PDZRN4: variants seen among roughly 807,000 people sequenced by gnomAD.
PDZRN4 encodes PDZ domain containing ring finger 4.
A neutral mutation model predicts 99.0 loss-of-function variants in PDZRN4; 70 were observed. The observed-to-expected ratio is 0.71, with a 90% CI of 0.58 to 0.86. PDZRN4 has a LOEUF of 0.86. Ranked by LOEUF, PDZRN4 falls within the 40% of genes least tolerant of loss-of-function variation. The pLI is 0.00. For missense variants in PDZRN4, 1,474 were observed against 1,331.2 expected (o/e 1.11, Z -1.67); for synonymous variants, 551 against 501.6 (o/e 1.10, Z -1.32).
chr12:41,424,218 C>G (rs540435398), intron 3 of PDZRN4, among the ~76,000 whole-genome samples: 1 of 152,146 alleles, frequency 6.6e-6, no homozygotes, highest in African/African-American at 2.4e-5. Flanking sequence ...AGTTAAAATG[C>G]AAACTTCCTC....
intron 3 of PDZRN4, among the ~76,000 whole-genome samples, chr12:41,423,387 C>T (rs962495208): frequency 1.3e-5 from 2 of 152,030 alleles, no homozygotes; most frequent in Non-Finnish European, 2.9e-5. Context: ...TAAGTGAGAA[C>T]ATGAGGTGTT....
intron 3 of PDZRN4, among the ~76,000 whole-genome samples, chr12:41,394,313 T>C (rs957647916): frequency 1.3e-5 from 2 of 152,184 alleles, no homozygotes; most frequent in Admixed American, 6.5e-5. Flanking sequence ...AGGATACTTA[T>C]ATTCGGTCTA....
intron 3 of PDZRN4, among the ~76,000 whole-genome samples, chr12:41,286,336 CTTTTTTT>C (rs71081721): frequency 1.4e-4 from 15 of 106,298 alleles, no homozygotes; most frequent in African/African-American, 4.0e-4. Context: ...CCTTCTTCTT[CTTTTTTT>C]TTTTTTTTTT....
chr12:41,386,068 A>T (rs908731505), intron 3 of PDZRN4, among the ~76,000 whole-genome samples: 3 of 152,210 alleles, frequency 2.0e-5, no homozygotes, highest in Non-Finnish European at 4.4e-5. Context: ...CAAAAACTGC[A>T]TGATTGCCTC....
chr12:41,235,733 G>A (rs1951062440), intron 3 of PDZRN4, among the ~76,000 whole-genome samples: 4 of 152,172 alleles, frequency 2.6e-5, no homozygotes, highest in Admixed American at 2.6e-4. Flanking sequence ...GCGGGCCTCA[G>A]GGGCCATTTG....
At chr12:41,556,745 G>T (rs997737222) in intron 7 of PDZRN4, among the ~76,000 whole-genome samples, 4 of 152,236 alleles carry the variant, frequency 2.6e-5, no homozygotes, top group Admixed American at 2.6e-4. Flanking sequence ...TAGGAGGGAT[G>T]TGAGGCTGGA....
At chr12:41,314,200 T>C (rs1176596701) in intron 3 of PDZRN4, among the ~76,000 whole-genome samples, 12 of 152,154 alleles carry the variant, frequency 7.9e-5, no homozygotes, top group Non-Finnish European at 7.4e-5. Flanking sequence ...ACCCTCCTCT[T>C]CTAGCAGCCC....
At chr12:41,257,772 A>T (rs905390974) in intron 3 of PDZRN4, among the ~76,000 whole-genome samples, 1 of 152,208 alleles carries the variant, frequency 6.6e-6, no homozygotes, top group Non-Finnish European at 1.5e-5. Context: ...GATATTCTCA[A>T]ATGGAAATTG....
At chr12:41,502,546 A>G (rs1424216571) in intron 3 of PDZRN4, among the ~76,000 whole-genome samples, 1 of 151,968 alleles carries the variant, frequency 6.6e-6, no homozygotes, top group Non-Finnish European at 1.5e-5. Context: ...CCATATTCAT[A>G]TTTTCTCCTG....
chr12:41,481,143 G>C (rs1488748601), intron 3 of PDZRN4, among the ~76,000 whole-genome samples: 3 of 151,896 alleles, frequency 2.0e-5, no homozygotes, highest in African/African-American at 7.3e-5. Flanking sequence ...TTCTCCTGTA[G>C]CGGTTGCTGC....
intron 3 of PDZRN4, among the ~76,000 whole-genome samples, chr12:41,332,913 C>A (rs963482407): frequency 6.6e-6 from 1 of 152,014 alleles, no homozygotes; most frequent in Admixed American, 6.6e-5. Context: ...ATTTCAAATG[C>A]CTTGCATGGA....
chr12:41,401,077 A>G (rs1160465512), intron 3 of PDZRN4, among the ~76,000 whole-genome samples: 1 of 152,186 alleles, frequency 6.6e-6, no homozygotes, highest in Non-Finnish European at 1.5e-5. Flanking sequence ...ATCATAATGT[A>G]CCTGGTATAT....
intron 3 of PDZRN4, among the ~76,000 whole-genome samples, chr12:41,420,128 A>T (rs1952477063): frequency 6.6e-6 from 1 of 152,208 alleles, no homozygotes; most frequent in Non-Finnish European, 1.5e-5. Flanking sequence ...AAGTGAGTTC[A>T]TTCAAATCTC....
intron 3 of PDZRN4, among the ~76,000 whole-genome samples, chr12:41,429,513 C>G (rs1952567695): frequency 6.6e-6 from 1 of 152,154 alleles, no homozygotes; most frequent in Non-Finnish European, 1.5e-5. Context: ...GTGCTGTGAG[C>G]ATCACCAGAA....
intron 3 of PDZRN4, among the ~76,000 whole-genome samples, chr12:41,310,909 C>G (rs1951602406): frequency 6.6e-6 from 1 of 152,092 alleles, no homozygotes; most frequent in African/African-American, 2.4e-5. Flanking sequence ...GGGAAATACA[C>G]AGATCTAAGA....
intron 3 of PDZRN4, among the ~76,000 whole-genome samples, chr12:41,433,630 G>A (rs779578042): frequency 2.0e-5 from 3 of 152,168 alleles, no homozygotes; most frequent in Admixed American, 2.0e-4. Flanking sequence ...AGTTACGTAC[G>A]GAACTTCCAC....
At chr12:41,459,653 C>A (rs900877272) in intron 3 of PDZRN4, among the ~76,000 whole-genome samples, 6 of 152,022 alleles carry the variant, frequency 3.9e-5, no homozygotes, top group African/African-American at 1.5e-4. Flanking sequence ...ACTTATATAC[C>A]CCAAGATTCT....
rs141115142 is a variant in PDZRN4 at position 41,545,036 on chromosome 12, C to T, written c.1204-7620C>T. Among the ~76,000 whole-genome samples, 944 of 152,362 alleles carry T rather than the reference C, an allele frequency of 6.2e-3. 4 individuals carry two copies. Among genetic ancestry groups the T allele is most frequent in the Non-Finnish European group, 9.9e-3 (672 of 68,038 alleles). On this transcript the variant is annotated intron_variant, in intron 5 of 9. Transcript: ENST00000402685. Reference sequence around the variant, plus strand: ...GCATTCAAGCCCTTAGCTTCTCTTGCATGAACTGGTAACATTCGCTTAATC... The same window carrying T: ...GCATTCAAGCCCTTAGCTTCTCTTGTATGAACTGGTAACATTCGCTTAATC...
chr12:41,254,794 A>T (rs1197401931), intron 3 of PDZRN4, among the ~76,000 whole-genome samples: 1 of 152,234 alleles, frequency 6.6e-6, no homozygotes, highest in Non-Finnish European at 1.5e-5. Context: ...CTGATAGATT[A>T]GTAAGAGGTT....
Sources: gnomAD v4.1 joint callset for allele counts (sites outside exome capture counted in the v4.1 genomes callset) on GRCh38, gnomAD v4.1.1 for gene constraint, MANE v1.5 for transcripts, NCBI Gene and HGNC (gene_info 2026-07-23, HGNC 2026-07-21) for gene names.